PHACTR4: variants seen among roughly 807,000 people sequenced by gnomAD.
The protein encoded by PHACTR4 is phosphatase and actin regulator 4.
A neutral mutation model predicts 72.7 loss-of-function variants in PHACTR4; 51 were observed. The observed-to-expected ratio is 0.70, with a 90% CI of 0.56 to 0.89. The LOEUF (loss-of-function observed/expected upper bound fraction) is 0.89. PHACTR4 is among the 40% of genes least tolerant of loss of function. The pLI is 0.00. For synonymous variants in PHACTR4, 255 were observed against 302.5 expected, an observed-to-expected ratio of 0.84 and a Z score of 1.63; for missense variants, 731 against 861.8, an observed-to-expected ratio of 0.85 and a Z score of 1.90.
rs1661488667 is a variant in PHACTR4, at chr1:28,498,441, C to T, written c.*1892C>T. On this transcript the variant is annotated 3_prime_UTR_variant, in exon 14 of 14. Transcript: ENST00000373839. ...TGGTGCTGGGGCATTGACTCAGCCC[C>T]CCTGCTTTCTGCATTTGTAATAGAT... 6.6e-6 allele frequency: 1 copy of T among 152,246 alleles called. No homozygotes were observed. Among genetic ancestry groups the T allele is most frequent in the Non-Finnish European group, 1.5e-5 (1 of 68,050 alleles). The allele number at this position is 152,246 out of a possible 1,614,324, so 9.4% of individuals were successfully genotyped here.
chr1:28,444,376 C>T (rs1003514563), intron 2 of PHACTR4, among the ~76,000 whole-genome samples: 3 of 150,600 alleles, frequency 2.0e-5, no homozygotes, highest in Non-Finnish European at 4.4e-5. Context: ...ATTACAGGCA[C>T]GTGCCACCAT....
At chr1:28,431,367 G>C (rs1384925696) in intron 2 of PHACTR4, among the ~76,000 whole-genome samples, 1 of 148,818 alleles carries the variant, frequency 6.7e-6, no homozygotes, top group Non-Finnish European at 1.5e-5. Context: ...GCTAATTTTT[G>C]TATTTTTAGT....
intron 1 of PHACTR4, among the ~76,000 whole-genome samples, chr1:28,405,263 C>T (rs77094775): frequency 0.087 from 13,249 of 151,988 alleles, 1,219 homozygotes; most frequent in African/African-American, 0.24. Context: ...AAAATTTTCT[C>T]CCATTCTGTG....
intron 3 of PHACTR4, 142 bp downstream of exon 3, chr1:28,459,400 T>A: frequency 7.0e-6 from 4 of 573,074 alleles, no homozygotes; most frequent in East Asian, 3.9e-5. Context: ...TTCTTCTTTT[T>A]TTTTTTTTTT....
At chr1:28,403,642 A>G (rs908529209) in intron 1 of PHACTR4, among the ~76,000 whole-genome samples, 1 of 152,182 alleles carries the variant, frequency 6.6e-6, no homozygotes, top group Non-Finnish European at 1.5e-5. Flanking sequence ...GGCTTTTAAT[A>G]TATTTGCAAG....
At chr1:28,432,415 C>T (rs1052635345) in intron 2 of PHACTR4, among the ~76,000 whole-genome samples, 7 of 146,534 alleles carry the variant, frequency 4.8e-5, no homozygotes, top group African/African-American at 1.5e-4. Flanking sequence ...TTTTCTCCCA[C>T]TAGGATCTCT....
intron 9 of PHACTR4, among the ~76,000 whole-genome samples, chr1:28,482,190 C>A (rs1184343237): frequency 1.3e-5 from 2 of 152,102 alleles, no homozygotes; most frequent in African/African-American, 4.8e-5. Flanking sequence ...AGCCACCACA[C>A]CTGGCCAGCC....
intron 2 of PHACTR4, among the ~76,000 whole-genome samples, chr1:28,431,409 G>C (rs573742051): frequency 7.3e-5 from 11 of 150,800 alleles, no homozygotes; most frequent in African/African-American, 2.7e-4. Flanking sequence ...TAGCCAGGAT[G>C]GTCTTGATCT....
chr1:28,378,561 TC>T (rs1350695947), intron 1 of PHACTR4, among the ~76,000 whole-genome samples: 1 of 98,868 alleles, frequency 1.0e-5, no homozygotes, highest in Non-Finnish European at 2.1e-5. Context: ...TCTTTCTTTC[TC>T]CCCCCAGCCC....
At chr1:28,447,071 T>G (rs975047809) in intron 2 of PHACTR4, among the ~76,000 whole-genome samples, 1 of 151,028 alleles carries the variant, frequency 6.6e-6, no homozygotes, top group African/African-American at 2.4e-5. Context: ...AGTCCAGTGG[T>G]GCGATCTCAG....
At position 28,465,771 on chromosome 1, in the gene PHACTR4, G is replaced by T; in HGVS notation, c.358G>T (p.Val120Phe). The T allele has an allele frequency of 6.2e-7, 1 of 1,614,014 alleles. No individual in the cohort carries two copies. Among genetic ancestry groups the T allele is most frequent in the Non-Finnish European group, 8.5e-7 (1 of 1,179,974 alleles). ...PIGNARSSSP[V>F]QVEEEPVRLA... Reference sequence around the variant, plus strand: ...AGGGAATGCCAGATCATCTAGTCCAGTCCAAGTAGAGGAAGAGCCAGTAAG... The same window carrying T: ...AGGGAATGCCAGATCATCTAGTCCATTCCAAGTAGAGGAAGAGCCAGTAAG... Residue 120 changes from valine to phenylalanine, a missense_variant, in exon 5 of 14, where the codon GTC becomes TTC. Val to Phe is a conservative substitution (Grantham distance 50, BLOSUM62 -1). Around this residue, in one of 2 missense-constraint regions of PHACTR4, gnomAD observed 621 missense variants for 676.6 expected, o/e 0.92. Coordinates refer to ENST00000373839, the MANE Select transcript of PHACTR4 (RefSeq NM_001048183.3).
intron 6 of PHACTR4, among the ~76,000 whole-genome samples, chr1:28,468,957 T>C (rs1393308020): frequency 1.3e-5 from 2 of 152,190 alleles, no homozygotes; most frequent in African/African-American, 4.8e-5. Flanking sequence ...ACTGCAGAGC[T>C]CATTCTTAGC....
At chr1:28,462,657 C>T (rs751611758) in intron 4 of PHACTR4, among the ~76,000 whole-genome samples, 3 of 150,016 alleles carry the variant, frequency 2.0e-5, no homozygotes, top group Admixed American at 6.7e-5. Context: ...TGAGCCACCA[C>T]GCCTGATGAT....
At chr1:28,373,350 G>C (rs949358014) in intron 1 of PHACTR4, among the ~76,000 whole-genome samples, 2 of 152,028 alleles carry the variant, frequency 1.3e-5, no homozygotes, top group Admixed American at 6.6e-5. Context: ...AAGTGCAATG[G>C]CACGATCTTG....
At chr1:28,398,427 G>C (rs1193531064) in intron 1 of PHACTR4, among the ~76,000 whole-genome samples, 1 of 152,176 alleles carries the variant, frequency 6.6e-6, no homozygotes, top group Non-Finnish European at 1.5e-5. Context: ...GGCTGAGGCA[G>C]GAGAATCACT....
chr1:28,428,197 C>T (rs908997804), intron 2 of PHACTR4, among the ~76,000 whole-genome samples: 1 of 152,162 alleles, frequency 6.6e-6, no homozygotes, highest in Non-Finnish European at 1.5e-5. Context: ...TTCCCCTTTT[C>T]CTTCATCCCA....
At chr1:28,414,474 C>G (rs1023511239) in intron 2 of PHACTR4, among the ~76,000 whole-genome samples, 1 of 144,776 alleles carries the variant, frequency 6.9e-6, no homozygotes, top group Non-Finnish European at 1.5e-5. Flanking sequence ...ACCTCCTGAG[C>G]TCAAACAATT....
intron 1 of PHACTR4, among the ~76,000 whole-genome samples, chr1:28,377,970 G>A (rs2124120608): frequency 6.6e-6 from 1 of 152,056 alleles, no homozygotes; most frequent in Admixed American, 6.6e-5. Flanking sequence ...GGCTGAGGCG[G>A]GCGGATCACG....
chr1:28,450,974 C>CTTTTTTTTTTTTTTTTTTTTTTT lies in PHACTR4; in HGVS notation c.17-8091_17-8090insTTTTTTTTTTTTTTTTTTTTTTT. The stretch of plus-strand genomic sequence containing the variant: ...TACAGGCATGTACCACCACACCCAG[C>CTTTTTTTTTTTTTTTTTTTTTTT]TTTTTTTTTTTTTTTTTTTTGTATT... On this transcript the variant is annotated intron_variant, in intron 2 of 13. Transcript: ENST00000373839. 2.8e-3 allele frequency among the ~76,000 whole-genome samples: 202 copies of CTTTTTTTTTTTTTTTTTTTTTTT among 72,036 alleles called. 21 individuals carry two copies. The highest frequency in any genetic ancestry group is 4.1e-3 in the African/African-American group (60 of 14,620). The allele number at this position is 72,036 out of a possible 152,430, so 47.3% of individuals were successfully genotyped here. A position where few individuals can be genotyped will look rare whatever the true frequency, so the allele number is the denominator to read the frequency against.
Sources: gnomAD v4.1 joint callset for allele counts (sites outside exome capture counted in the v4.1 genomes callset) on GRCh38, gnomAD v4.1.1 for gene constraint, gnomAD v4.1.1 regional missense constraint, MANE v1.5 for transcripts, NCBI Gene and HGNC (gene_info 2026-07-23, HGNC 2026-07-21) for gene names.